OSBPL10: variants seen among roughly 807,000 people sequenced by gnomAD.
OSBPL10 encodes oxysterol binding protein like 10.
A neutral mutation model predicts 81.7 loss-of-function variants in OSBPL10; 49 were observed. The observed-to-expected ratio is 0.60, with a 90% CI of 0.48 to 0.76. The LOEUF (loss-of-function observed/expected upper bound fraction) is 0.76. Ranked by LOEUF, OSBPL10 falls within the 30% of genes least tolerant of loss-of-function variation. OSBPL10 has a pLI of 0.00. For missense variants in OSBPL10, 923 were observed against 987.8 expected (o/e 0.93, Z 0.88); for synonymous variants, 419 against 383.6 (o/e 1.09, Z -1.08).
At chr3:31,975,450 C>A (rs1055209151) in intron 1 of OSBPL10, among the ~76,000 whole-genome samples, 2 of 152,166 alleles carry the variant, frequency 1.3e-5, no homozygotes, top group African/African-American at 4.8e-5. Flanking sequence ...CCCAGTGATG[C>A]TTTAATTTGG....
intron 3 of OSBPL10, among the ~76,000 whole-genome samples, chr3:31,849,962 G>A (rs1402252929): frequency 1.3e-5 from 2 of 152,074 alleles, no homozygotes; most frequent in Non-Finnish European, 2.9e-5. Flanking sequence ...GTTGGGAGTT[G>A]GACACCAGCC....
chr3:32,041,579 T>C (rs557653702), intron 2 of OSBPL10, among the ~76,000 whole-genome samples: 1 of 152,238 alleles, frequency 6.6e-6, no homozygotes, highest in Non-Finnish European at 1.5e-5. Context: ...GAATCTGAGC[T>C]GGCCAACATT....
chr3:31,675,168 C>T (rs530244868), intron 8 of OSBPL10, among the ~76,000 whole-genome samples: 239 of 114,662 alleles, frequency 2.1e-3, no homozygotes, highest in Non-Finnish European at 3.1e-3. Flanking sequence ...TGTCCTTAAT[C>T]GGGATACCTT....
In OSBPL10 at chr3:31,955,360, C is replaced by T. The variant is rs116739844; in HGVS notation, c.281+25539G>A. On this transcript the variant is annotated intron_variant, in intron 1 of 11. Coordinates refer to ENST00000396556, the MANE Select transcript of OSBPL10 (RefSeq NM_017784.5). ...ACTCAGAATGGTGCAGGAACTTATC[C>T]GAGGCTAGAATTTGAAACCAGCTCT... Among the ~76,000 whole-genome samples, 309 of 152,226 alleles carry T rather than the reference C, an allele frequency of 2.0e-3. 1 individual carries two copies. Among genetic ancestry groups the T allele is most frequent in the African/African-American group, 7.2e-3 (299 of 41,538 alleles).
At chr3:31,900,961 T>C (rs1696218850) in intron 1 of OSBPL10, among the ~76,000 whole-genome samples, 1 of 152,226 alleles carries the variant, frequency 6.6e-6, no homozygotes, top group Non-Finnish European at 1.5e-5. Flanking sequence ...AAAATAAATT[T>C]GATTAAGGGA....
chr3:31,759,304 C>T (rs968548279), intron 4 of OSBPL10, among the ~76,000 whole-genome samples: 17 of 152,112 alleles, frequency 1.1e-4, no homozygotes, highest in African/African-American at 4.1e-4. Flanking sequence ...CAGACCTGAA[C>T]GGGATCCTGA....
At chr3:31,746,664 G>A (rs1449182457) in intron 5 of OSBPL10, among the ~76,000 whole-genome samples, 44 of 141,644 alleles carry the variant, frequency 3.1e-4, no homozygotes, top group African/African-American at 9.1e-4. Context: ...GGCAACAAGA[G>A]CAAAAACTCT....
chr3:31,663,041 C>A, intron 11 of OSBPL10: 1 of 984,124 alleles, frequency 1.0e-6, no homozygotes, highest in Non-Finnish European at 1.2e-6. Flanking sequence ...GTGGTGGCTT[C>A]CTGCTCTTCC....
At chr3:31,869,095 A>G (rs1272775003) in intron 3 of OSBPL10, among the ~76,000 whole-genome samples, 17 of 152,216 alleles carry the variant, frequency 1.1e-4, no homozygotes, top group Admixed American at 1.1e-3. Context: ...ACCTGCTACT[A>G]AGCCTCCAAC....
chr3:31,809,408 A>G (rs562680934), intron 4 of OSBPL10, among the ~76,000 whole-genome samples: 5 of 152,330 alleles, frequency 3.3e-5, no homozygotes, highest in African/African-American at 1.2e-4. Flanking sequence ...CAAACTTTAA[A>G]ATGCTCCTGA....
intron 2 of OSBPL10, among the ~76,000 whole-genome samples, chr3:32,004,650 C>A (rs1699185460): frequency 6.6e-6 from 1 of 152,116 alleles, no homozygotes; most frequent in African/African-American, 2.4e-5. Context: ...TCTGAGTTTT[C>A]TTTCAACAAA....
intron 2 of OSBPL10, among the ~76,000 whole-genome samples, chr3:32,003,375 C>T (rs765439208): frequency 1.3e-5 from 2 of 152,188 alleles, no homozygotes; most frequent in Non-Finnish European, 2.9e-5. Flanking sequence ...CCGAGGTTTC[C>T]TAAGGCACCT....
At chr3:31,725,215 T>C (rs1237729789) in intron 6 of OSBPL10, among the ~76,000 whole-genome samples, 1 of 152,198 alleles carries the variant, frequency 6.6e-6, no homozygotes, top group Non-Finnish European at 1.5e-5. Context: ...AATAAAATAA[T>C]TGCATAGATG....
chr3:31,889,143 A>G (rs916206216), intron 1 of OSBPL10, among the ~76,000 whole-genome samples: 5 of 152,200 alleles, frequency 3.3e-5, no homozygotes, highest in African/African-American at 1.2e-4. Flanking sequence ...CAAAAAGACA[A>G]AAAATAACAA....
intron 1 of OSBPL10, among the ~76,000 whole-genome samples, chr3:32,053,362 G>A (rs1699683299): frequency 6.6e-6 from 1 of 152,174 alleles, no homozygotes; most frequent in African/African-American, 2.4e-5. Context: ...TGGAAGGTTT[G>A]TGAAAAATTA....
At chr3:32,061,231 C>T (rs987739648) in intron 1 of OSBPL10, among the ~76,000 whole-genome samples, 2 of 92,140 alleles carry the variant, frequency 2.2e-5, no homozygotes, top group African/African-American at 5.6e-5. Flanking sequence ...CTTATTGTAA[C>T]TCTTTGTTTA....
At chr3:31,792,893 T>C (rs1699067215) in intron 4 of OSBPL10, among the ~76,000 whole-genome samples, 1 of 127,472 alleles carries the variant, frequency 7.8e-6, no homozygotes. Context: ...TGTGTGTGTG[T>C]GTGTGTGTGT....
chr3:31,835,882 G>T (rs1267783087), intron 3 of OSBPL10, among the ~76,000 whole-genome samples: 3 of 152,108 alleles, frequency 2.0e-5, no homozygotes, highest in Non-Finnish European at 4.4e-5. Flanking sequence ...TATATTGAGG[G>T]CCTTAAAATT....
chr3:31,662,590 G>A (rs2125493179), intron 11 of OSBPL10: 2 of 994,906 alleles, frequency 2.0e-6, no homozygotes, highest in South Asian at 9.2e-5. Context: ...CAAATATCAA[G>A]TGAGAAAAAG....
Sources: allele counts gnomAD v4.1 joint callset (sites outside exome capture counted in the v4.1 genomes callset), GRCh38; gene constraint gnomAD v4.1.1; transcripts MANE v1.5; gene names NCBI Gene and HGNC (gene_info 2026-07-23, HGNC 2026-07-21).